Variants in SLC26A4 observed in about 807,000 individuals in gnomAD.
SLC26A4 encodes solute carrier family 26 member 4.
In SLC26A4, 93 loss-of-function variants were observed where a neutral mutation model predicts 90.4. The ratio of observed to expected loss-of-function variants is 1.03; its 90% CI spans 0.87 to 1.22. The LOEUF is 1.22. SLC26A4 is among the 50% of genes most tolerant of loss of function. The pLI, the probability that SLC26A4 is intolerant of heterozygous loss-of-function variation, is 0.00. For missense variants in SLC26A4, 1,127 were observed against 946.2 expected (o/e 1.19, Z -2.51); for synonymous variants, 393 against 354.6 (o/e 1.11, Z -1.22).
chr7:107,685,224 A>T (rs1791362829), intron 8 of SLC26A4, among the ~76,000 whole-genome samples: 1 of 152,216 alleles, frequency 6.6e-6, no homozygotes, highest in Admixed American at 6.5e-5. Context: ...TGTTGAAGGA[A>T]TAAAATACCC....
At chr7:107,685,874 ATG>A (rs142294740) in intron 8 of SLC26A4, among the ~76,000 whole-genome samples, 10 of 151,600 alleles carry the variant, frequency 6.6e-5, no homozygotes, top group Non-Finnish European at 1.2e-4. Flanking sequence ...GTCTGTGTGT[ATG>A]TGTGTGTGTG....
intron 2 of SLC26A4, chr7:107,662,162 A>G: frequency 3.4e-6 from 1 of 294,256 alleles, no homozygotes; most frequent in South Asian, 4.9e-5. Context: ...TGAAATGAAT[A>G]GGGAAACCCA....
chr7:107,663,838 T>G (rs915093249), intron 3 of SLC26A4, among the ~76,000 whole-genome samples: 1 of 152,068 alleles, frequency 6.6e-6, no homozygotes, highest in East Asian at 1.9e-4. Context: ...CGCCCGCCAC[T>G]ACGCCCGGCT....
In SLC26A4 at chr7:107,683,100, T is replaced by C. The variant is rs910283334; in HGVS notation, c.766-102T>C. On this transcript the variant is annotated intron_variant, in intron 6 of 20. Transcript: ENST00000644269. ...TTGATGCTGATATCATGGTTTTTCA[T>C]GTGGGAAGATTCATATGAGAATTGA... 38 of 868,538 alleles carry C rather than the reference T, an allele frequency of 4.4e-5. 1 individual carries two copies. The highest frequency in any genetic ancestry group is 6.1e-5 in the Non-Finnish European group (33 of 544,270). The allele number at this position is 868,538 out of a possible 1,614,324, so 53.8% of individuals were successfully genotyped here.
chr7:107,696,216 C>T (rs1250786955), intron 13 of SLC26A4, among the ~76,000 whole-genome samples, 177 bp downstream of exon 13: 1 of 152,182 alleles, frequency 6.6e-6, no homozygotes, highest in African/African-American at 2.4e-5. Flanking sequence ...CAAAAATAGC[C>T]TATGAATAGT....
chr7:107,667,658 C>T (rs765692309), intron 3 of SLC26A4, among the ~76,000 whole-genome samples: 6 of 151,564 alleles, frequency 4.0e-5, no homozygotes, highest in African/African-American at 7.3e-5. Flanking sequence ...ATTTGTGAAC[C>T]GATAGGAATG....
chr7:107,673,774 G>C (rs1390515728), intron 4 of SLC26A4, among the ~76,000 whole-genome samples: 1 of 152,118 alleles, frequency 6.6e-6, no homozygotes, highest in Non-Finnish European at 1.5e-5. Flanking sequence ...TGTCACCTAG[G>C]CTGGAGTGCG....
rs527361077 is a variant in SLC26A4 at position 107,709,992 on chromosome 7, C to G, written c.2090-62C>G. 3.4e-6 allele frequency: 5 copies of G among 1,460,618 alleles called. No homozygotes were observed. In the South Asian group the frequency reaches 5.8e-5, roughly 17 times the overall value. 90.5% of individuals were successfully genotyped at this position (1,460,618 alleles called of 1,614,324 possible). A position where few individuals can be genotyped will look rare whatever the true frequency, so the allele number is the denominator to read the frequency against. ...TGGGCAATAGAATGAGACTCTGTCT[C>G]AAAAACAAACAAAAATTTCTTTTCC... On this transcript the variant is annotated intron_variant, in intron 18 of 20. Transcript: ENST00000644269.
rs1488275187 is a variant in SLC26A4 at position 107,701,122 on chromosome 7, G to A, written c.1729G>A (p.Val577Ile). Reference protein sequence around the residue: ...KSTVGFDAIRVYNKRLKALRK... With the variant: ...KSTVGFDAIRIYNKRLKALRK... Reference sequence around the variant, plus strand: ...AAAGGTTGGATTTGATGCCATTAGAGTATATAATAAGAGGCTGAAAGCGCT... The same window carrying A: ...AAAGGTTGGATTTGATGCCATTAGAATATATAATAAGAGGCTGAAAGCGCT... Residue 577 changes from valine to isoleucine, a missense_variant, in exon 16 of 21, where the codon GTA becomes ATA. Coordinates refer to ENST00000644269, the MANE Select transcript of SLC26A4 (RefSeq NM_000441.2). 2 of 1,607,798 alleles carry A rather than the reference G, an allele frequency of 1.2e-6. No homozygotes were observed. The highest frequency in any genetic ancestry group is 2.2e-5 in the East Asian group (1 of 44,846).
At chr7:107,663,175 A>T in intron 2 of SLC26A4, 121 bp from the exon 3 acceptor site, 1 of 1,146,880 alleles carries the variant, frequency 8.7e-7, no homozygotes, top group Non-Finnish European at 1.3e-6. Context: ...TTTCCAGGAA[A>T]TACTTATCCT....
chr7:107,695,846 T>A, intron 12 of SLC26A4, 87 bp from the exon 13 acceptor site: 2 of 807,100 alleles, frequency 2.5e-6, no homozygotes, highest in Admixed American at 3.4e-5. Flanking sequence ...TGTTTGTGGA[T>A]CATTGATCTT....
intron 8 of SLC26A4, among the ~76,000 whole-genome samples, chr7:107,687,217 T>G (rs1486181315): frequency 6.6e-6 from 1 of 152,218 alleles, no homozygotes; most frequent in African/African-American, 2.4e-5. Flanking sequence ...CCTGACATGC[T>G]TGGCTGGGGC....
Position 107,661,287 on chromosome 7 carries a change from G to C in SLC26A4, c.-3-352G>C. ...GCCCCTGCCCCAGCCCCTCGGTTTG[G>C]GGGAGATTTCAGAACGCGGACAGCG... On this transcript the variant is annotated intron_variant, in intron 1 of 20. Coordinates refer to ENST00000644269, the MANE Select transcript of SLC26A4 (RefSeq NM_000441.2). This position sits in a 1 kb window ranked among gnomAD's most constrained non-coding sequence, Gnocchi z 5.1. 2.6e-6 allele frequency: 1 copy of C among 387,706 alleles called. No individual in the cohort carries two copies. Among genetic ancestry groups the C allele is most frequent in the Non-Finnish European group, 4.8e-6 (1 of 210,430 alleles). The allele number at this position is 387,706 out of a possible 1,614,324, so 24.0% of individuals were successfully genotyped here.
intron 19 of SLC26A4, 69 bp from the exon 20 acceptor site, chr7:107,712,470 A>G (rs1017740531): frequency 8.5e-6 from 7 of 819,926 alleles, no homozygotes; most frequent in Non-Finnish European, 1.5e-5. Context: ...GAAAGCTTCA[A>G]ATCATTTTCA....
At chr7:107,663,473 A>T in intron 3 of SLC26A4, 38 bp downstream of exon 3, 1 of 1,612,656 alleles carries the variant, frequency 6.2e-7, no homozygotes, top group Non-Finnish European at 8.5e-7. Flanking sequence ...GGTCTCCAGC[A>T]GGAGTTTAAC....
intron 18 of SLC26A4, among the ~76,000 whole-genome samples, chr7:107,705,806 G>A (rs916824672): frequency 1.3e-5 from 2 of 152,230 alleles, no homozygotes; most frequent in Non-Finnish European, 2.9e-5. Context: ...TCTTGGAGCT[G>A]TCTACAGCAT....
At chr7:107,684,426 C>T (rs541780373) in intron 8 of SLC26A4, among the ~76,000 whole-genome samples, 3 of 152,238 alleles carry the variant, frequency 2.0e-5, no homozygotes, top group East Asian at 1.9e-4. Context: ...TTTCCATGCT[C>T]TTAATAGAAA....
chr7:107,713,675 A>G (rs986517299), intron 20 of SLC26A4, among the ~76,000 whole-genome samples: 1 of 152,114 alleles, frequency 6.6e-6, no homozygotes, highest in Admixed American at 6.6e-5. Flanking sequence ...AGATATTCCT[A>G]TTACTACAGC....
At chr7:107,703,764 T>A (rs1791962708) in intron 17 of SLC26A4, among the ~76,000 whole-genome samples, 1 of 152,254 alleles carries the variant, frequency 6.6e-6, no homozygotes, top group Non-Finnish European at 1.5e-5. Context: ...TTCTCTTTTA[T>A]TATTGACTAT....
Sources: allele counts gnomAD v4.1 joint callset (sites outside exome capture counted in the v4.1 genomes callset), GRCh38; gene constraint gnomAD v4.1.1; non-coding constraint Gnocchi (gnomAD v3.1); transcripts MANE v1.5; gene names NCBI Gene and HGNC (gene_info 2026-07-23, HGNC 2026-07-21).